SMG6: variants seen among roughly 807,000 people sequenced by gnomAD.
The protein encoded by SMG6 is SMG6 nonsense mediated mRNA decay factor.
In SMG6, 66 loss-of-function variants were observed where a neutral mutation model predicts 142.2. That is an observed-to-expected ratio of 0.46 (90% CI 0.38 to 0.57). The LOEUF is 0.57. Ranked by LOEUF, SMG6 falls within the 20% of genes least tolerant of loss-of-function variation. The probability of loss-of-function intolerance (pLI) is 0.00; values close to 1 mark genes in which losing one functional copy is unlikely to be tolerated. For synonymous variants in SMG6, 779 were observed against 702.4 expected (o/e 1.11, Z -1.72); for missense variants, 1,793 against 1,832.0 (o/e 0.98, Z 0.39).
In SMG6 at chr17:2,060,701, G is replaced by C. The variant is rs534628118; in HGVS notation, c.*791C>G. 6.6e-6 allele frequency: 1 copy of C among 152,380 alleles called. No homozygotes were observed. The highest frequency in any genetic ancestry group is 2.4e-5 in the African/African-American group (1 of 41,386). The allele number at this position is 152,380 out of a possible 1,614,324, so 9.4% of individuals were successfully genotyped here. On this transcript the variant is annotated 3_prime_UTR_variant, in exon 19 of 19. Transcript: ENST00000263073. ...ACATTTCCTGAAGAGGAAGCTAGAC[G>C]GAAAGAAAGGCCAGTGAGGAGAGAG... is the stretch of plus-strand genomic sequence containing the variant.
At chr17:2,240,747 C>T (rs1007109154) in intron 9 of SMG6, among the ~76,000 whole-genome samples, 2 of 152,234 alleles carry the variant, frequency 1.3e-5, no homozygotes, top group South Asian at 2.1e-4. Context: ...TCTCTGCTGA[C>T]GCAGTGTGGA....
At chr17:2,169,936 C>G (rs1355239271) in intron 13 of SMG6, among the ~76,000 whole-genome samples, 6 of 152,104 alleles carry the variant, frequency 3.9e-5, no homozygotes, top group Non-Finnish European at 8.8e-5. Flanking sequence ...AGAATTGTAT[C>G]TGTGTGTGTT....
intron 8 of SMG6, among the ~76,000 whole-genome samples, chr17:2,269,082 T>C (rs2074489014): frequency 6.6e-6 from 1 of 151,822 alleles, no homozygotes; most frequent in African/African-American, 2.4e-5. Flanking sequence ...CAGGCGCCTG[T>C]AGTCCCAGCT....
chr17:2,303,614 G>T lies in SMG6; in HGVS notation c.88+19C>A. 6.9e-7 allele frequency: 1 copy of T among 1,439,316 alleles called. No homozygotes were observed. The allele number at this position is 1,439,316 out of a possible 1,614,324, so 89.2% of individuals were successfully genotyped here. On this transcript the variant is annotated intron_variant, in intron 1 of 18. Coordinates refer to ENST00000263073, the MANE Select transcript of SMG6 (RefSeq NM_017575.5). ...CGGGGCGGGCAGGCCCGGCCCAGGA[G>T]CTGGGCGGCGCGACTCACCTCTGCT...
chr17:2,292,456 G>A (rs2075059026), intron 6 of SMG6, 96 bp downstream of exon 6: 2 of 1,182,646 alleles, frequency 1.7e-6, no homozygotes, highest in Middle Eastern at 1.9e-4. Flanking sequence ...CTACAGTGAT[G>A]AGATGAAATG....
chr17:2,134,450 A>T (rs1433256255), intron 13 of SMG6, among the ~76,000 whole-genome samples: 15 of 144,112 alleles, frequency 1.0e-4, no homozygotes, highest in African/African-American at 3.8e-4. Context: ...AAAAAAAAAG[A>T]TAATGCCTCC....
At position 2,196,667 on chromosome 17, in the gene SMG6, G is replaced by A. The variant is rs2072338249; in HGVS notation, c.2870-8152C>T. 2.0e-5 allele frequency among the ~76,000 whole-genome samples: 3 copies of A among 152,280 alleles called. 1 individual carries two copies. The Middle Eastern group carries it at 0.01, about 518-fold the overall frequency. On this transcript the variant is annotated intron_variant, in intron 10 of 18. Coordinates refer to ENST00000263073, the MANE Select transcript of SMG6 (RefSeq NM_017575.5). ...TCTAAAGCTTATCTGGAAAAGCAAA[G>A]GATGTAGAACATTTCAAACAATTCT...
At chr17:2,090,743 T>TC (rs1380131509) in intron 13 of SMG6, among the ~76,000 whole-genome samples, 7 of 152,208 alleles carry the variant, frequency 4.6e-5, no homozygotes, top group South Asian at 4.1e-4. Context: ...CACACGGGTT[T>TC]CCCCCCACAA....
chr17:2,142,588 A>C (rs952022704), intron 13 of SMG6, among the ~76,000 whole-genome samples: 1 of 151,394 alleles, frequency 6.6e-6, no homozygotes, highest in Non-Finnish European at 1.5e-5. Flanking sequence ...CCAATTTTAA[A>C]AGTAGGCAAA....
rs575479787 is a variant in SMG6, at chr17:2,116,098, T to A, written c.3358-30197A>T. 5.7e-4 allele frequency among the ~76,000 whole-genome samples: 87 copies of A among 152,278 alleles called. 2 individuals carry two copies. The South Asian group carries it at 0.018, about 31-fold the overall frequency. On this transcript the variant is annotated intron_variant, in intron 13 of 18. Coordinates refer to ENST00000263073, the MANE Select transcript of SMG6 (RefSeq NM_017575.5). ...TCATTTATTTATTTTTGAGACAGGA[T>A]CTCGCTGTGTTGCCCAGGCTAGAGT...
At chr17:2,280,568 CTG>C (rs2074763639) in intron 8 of SMG6, 2 of 984,652 alleles carry the variant, frequency 2.0e-6, no homozygotes, top group East Asian at 2.3e-4. Flanking sequence ...AGGCCAGAAA[CTG>C]CAGATTTCTT....
In SMG6 at chr17:2,087,598, G is replaced by A. The variant is rs184062793; in HGVS notation, c.3358-1697C>T. ...AAAAGTTCAGCCCCTTGAGCTTGGG[G>A]TGCCTGGTCCTGGGCTTGCCTCCGT... is the stretch of plus-strand genomic sequence containing the variant. On this transcript the variant is annotated intron_variant, in intron 13 of 18. Coordinates refer to ENST00000263073, the MANE Select transcript of SMG6 (RefSeq NM_017575.5). The A allele has an allele frequency of 2.3e-5, 23 of 1,001,356 alleles. No homozygotes were observed. The Admixed American group carries it at 1.0e-3, about 45-fold the overall frequency. The allele number at this position is 1,001,356 out of a possible 1,614,324, so 62.0% of individuals were successfully genotyped here.
chr17:2,210,767 AATAAAAT>A (rs1238227426), intron 10 of SMG6, among the ~76,000 whole-genome samples: 47 of 150,330 alleles, frequency 3.1e-4, no homozygotes, highest in African/African-American at 8.1e-4. Flanking sequence ...TTTAAAAAAA[AATAAAAT>A]AAAAAAAAAA....
At chr17:2,070,152 A>G (rs2068061380) in intron 15 of SMG6, among the ~76,000 whole-genome samples, 1 of 152,150 alleles carries the variant, frequency 6.6e-6, no homozygotes, top group Non-Finnish European at 1.5e-5. Flanking sequence ...GAAGTTCCCG[A>G]GAGATGCACA....
intron 13 of SMG6, among the ~76,000 whole-genome samples, chr17:2,139,707 A>G (rs1276335986): frequency 6.6e-6 from 1 of 151,352 alleles, no homozygotes; most frequent in East Asian, 1.9e-4. Context: ...GGTGTGAGCC[A>G]CTGTGCCAAG....
rs371193601 is a variant in SMG6, at chr17:2,299,990, G to A, written c.763C>T (p.Arg255Cys). The A allele has an allele frequency of 1.2e-4, 193 of 1,613,940 alleles. No homozygotes were observed. The highest frequency in any genetic ancestry group is 1.5e-4 in the Non-Finnish European group (174 of 1,180,026). The change falls in exon 2 of 19, where the codon CGC becomes TGC. Residue 255 changes from arginine to cysteine, a missense_variant. Physicochemically the swap from Arg to Cys is radical, Grantham distance 180 (BLOSUM62 -3). Transcript: ENST00000263073. The surrounding 1 kb of genome is among the most constrained non-coding windows in gnomAD (Gnocchi z 4.3). Reference protein sequence around the residue: ...SRSDKRRNRYRTRSTSSAGSN... With the variant: ...SRSDKRRNRYCTRSTSSAGSN... ...CCAGCTGAGCTGGTGCTGCGCGTGC[G>A]GTAGCGATTCCTTCGTTTGTCTGAG...
intron 13 of SMG6, among the ~76,000 whole-genome samples, chr17:2,148,043 T>TA (rs1335687313): frequency 6.6e-6 from 1 of 151,896 alleles, no homozygotes; most frequent in Non-Finnish European, 1.5e-5. Flanking sequence ...CACAAAAACT[T>TA]AGCTGGGTGT....
At chr17:2,194,713 A>G (rs2072268083) in intron 10 of SMG6, among the ~76,000 whole-genome samples, 1 of 136,764 alleles carries the variant, frequency 7.3e-6, no homozygotes, top group Admixed American at 7.1e-5. Flanking sequence ...AAAACAAAAC[A>G]AAAAAAAAAA....
intron 13 of SMG6, among the ~76,000 whole-genome samples, chr17:2,170,854 C>G (rs2071482031): frequency 6.6e-6 from 1 of 152,106 alleles, no homozygotes; most frequent in Non-Finnish European, 1.5e-5. Flanking sequence ...AAATTGGGAA[C>G]ATTCTCTTGG....
Sources: allele counts gnomAD v4.1 joint callset (sites outside exome capture counted in the v4.1 genomes callset), GRCh38; gene constraint gnomAD v4.1.1; non-coding constraint Gnocchi (gnomAD v3.1); transcripts MANE v1.5; gene names NCBI Gene and HGNC (gene_info 2026-07-23, HGNC 2026-07-21).